Variants in CAMTA1 observed in about 807,000 individuals in gnomAD.
CAMTA1 encodes the protein calmodulin binding transcription activator 1.
A neutral mutation model predicts 170.9 loss-of-function variants in CAMTA1; 27 were observed. That is an observed-to-expected ratio of 0.16 (90% CI 0.12 to 0.22). CAMTA1 has a LOEUF of 0.22. Ranked by LOEUF, CAMTA1 falls within the 10% of genes least tolerant of loss-of-function variation. CAMTA1 has a pLI of 1.00. For synonymous variants in CAMTA1, 833 were observed against 891.5 expected (o/e 0.93, Z 1.17); for missense variants, 1,619 against 2,217.2 (o/e 0.73, Z 5.42).
At chr1:7,282,844 C>G (rs1454131540) in intron 5 of CAMTA1, among the ~76,000 whole-genome samples, 2 of 152,112 alleles carry the variant, frequency 1.3e-5, no homozygotes, top group African/African-American at 4.8e-5. Context: ...AGTTTTCAAA[C>G]AGGAAAGCTG....
intron 5 of CAMTA1, among the ~76,000 whole-genome samples, chr1:7,438,846 C>G (rs953306510): frequency 2.0e-5 from 3 of 152,202 alleles, no homozygotes; most frequent in African/African-American, 7.2e-5. Flanking sequence ...AAAGTCCTGG[C>G]CACTCTCAGC....
intron 22 of CAMTA1, among the ~76,000 whole-genome samples, chr1:7,766,026 CAAAAAAAAAAA>C (rs59692886): frequency 4.2e-5 from 3 of 71,410 alleles, no homozygotes; most frequent in African/African-American, 2.1e-4. Flanking sequence ...GATTCTGTCT[CAAAAAAAAAAA>C]AAAAAAAACT....
intron 3 of CAMTA1, among the ~76,000 whole-genome samples, chr1:7,061,065 C>G (rs1708128056): frequency 6.6e-6 from 1 of 152,194 alleles, no homozygotes; most frequent in Non-Finnish European, 1.5e-5. Flanking sequence ...ATCTGACAGA[C>G]TCACCATCTG....
rs111162189 is a variant in CAMTA1 at position 7,493,169 on chromosome 1, G to A, written c.510+25268G>A. On this transcript the variant is annotated intron_variant, in intron 6 of 22. Transcript: ENST00000303635. The stretch of plus-strand genomic sequence containing the variant: ...GCACACAACACAAACCTACATACAC[G>A]CGCACACAAATACAAACACGCACAC... Among the ~76,000 whole-genome samples the A allele has an allele frequency of 9.6e-4, 63 of 65,710 alleles. 1 individual carries two copies. Among genetic ancestry groups the A allele is most frequent in the East Asian group, 1.9e-3 (3 of 1,598 alleles). The allele number at this position is 65,710 out of a possible 152,430, so 43.1% of individuals were successfully genotyped here.
chr1:7,702,007 C>T (rs1413206199), intron 11 of CAMTA1, among the ~76,000 whole-genome samples: 1 of 152,196 alleles, frequency 6.6e-6, no homozygotes, highest in African/African-American at 2.4e-5. Flanking sequence ...CCCACCCTAG[C>T]TCTGCCTGAC....
chr1:7,310,642 TTC>T lies in CAMTA1; in HGVS notation c.438+61018_438+61019del, dbSNP rs1491195763. 3.3e-3 allele frequency among the ~76,000 whole-genome samples: 93 copies of T among 28,586 alleles called. 3 individuals carry two copies. The highest frequency in any genetic ancestry group is 0.013 in the African/African-American group (87 of 6,864). 18.8% of individuals were successfully genotyped at this position (28,586 alleles called of 152,430 possible). Reference sequence around the variant, plus strand: ...TTTCTTTCTTTCTTTCTTTCTTTCTTTCTTTTTTCTTTCTTTCTTTCTTTCTT... The same window carrying T: ...TTTCTTTCTTTCTTTCTTTCTTTCTTTTTTTTCTTTCTTTCTTTCTTTCTT... On this transcript the variant is annotated intron_variant, in intron 5 of 22. Transcript: ENST00000303635.
intron 6 of CAMTA1, among the ~76,000 whole-genome samples, chr1:7,583,013 C>G (rs1234118821): frequency 6.6e-6 from 1 of 152,060 alleles, no homozygotes; most frequent in Non-Finnish European, 1.5e-5. Context: ...TCTCCTTGGC[C>G]TGGAGTGCAC....
intron 3 of CAMTA1, among the ~76,000 whole-genome samples, chr1:6,947,377 ATT>A (rs879542711): frequency 6.9e-6 from 1 of 144,802 alleles, no homozygotes; most frequent in Non-Finnish European, 1.5e-5. Flanking sequence ...ATTGTCTTTA[ATT>A]TTTTTTTTTT....
intron 5 of CAMTA1, among the ~76,000 whole-genome samples, chr1:7,457,919 A>T (rs530293855): frequency 6.6e-6 from 1 of 152,148 alleles, no homozygotes; most frequent in South Asian, 2.1e-4. Context: ...CGACCCAGAT[A>T]CCCAGGGGAG....
intron 2 of CAMTA1, among the ~76,000 whole-genome samples, chr1:6,821,901 C>T (rs1381794797): frequency 6.6e-6 from 1 of 152,016 alleles, no homozygotes; most frequent in East Asian, 1.9e-4. Context: ...TATACTACAC[C>T]TTGTAGGTTG....
At chr1:7,708,571 T>C (rs1438295323) in intron 11 of CAMTA1, among the ~76,000 whole-genome samples, 3 of 152,230 alleles carry the variant, frequency 2.0e-5, no homozygotes, top group African/African-American at 7.2e-5. Flanking sequence ...GTAAAGTTCC[T>C]TTGATAGACT....
chr1:7,595,208 G>A (rs933173644), intron 6 of CAMTA1, among the ~76,000 whole-genome samples: 1 of 152,182 alleles, frequency 6.6e-6, no homozygotes. Flanking sequence ...TGATCCAAAA[G>A]AGCGCCTGTG....
chr1:7,022,368 G>A (rs536439578), intron 3 of CAMTA1, among the ~76,000 whole-genome samples: 5 of 152,224 alleles, frequency 3.3e-5, no homozygotes, highest in East Asian at 1.9e-4. Context: ...TGACTCTGCC[G>A]TGGGTATTGG....
intron 3 of CAMTA1, among the ~76,000 whole-genome samples, chr1:7,053,698 G>T (rs1706833111): frequency 6.6e-6 from 1 of 152,146 alleles, no homozygotes; most frequent in African/African-American, 2.4e-5. Flanking sequence ...TGCCCTTGCT[G>T]GTCTTGCCTG....
At position 7,493,492 on chromosome 1, in the gene CAMTA1, CAT is replaced by C. The variant is rs1472447277; in HGVS notation, c.510+25593_510+25594del. Reference sequence around the variant, plus strand: ...AAACATATAAACAGGCGTGCACACACATAACCATACAAACACACACACGCGCA... The same window carrying C: ...AAACATATAAACAGGCGTGCACACACAACCATACAAACACACACACGCGCA... On this transcript the variant is annotated intron_variant, in intron 6 of 22. Transcript: ENST00000303635. 1.2e-4 allele frequency among the ~76,000 whole-genome samples: 18 copies of C among 152,226 alleles called. 1 individual carries two copies. The highest frequency in any genetic ancestry group is 1.2e-3 in the East Asian group (6 of 5,164).
intron 11 of CAMTA1, among the ~76,000 whole-genome samples, chr1:7,723,794 G>C (rs916596190): frequency 6.6e-6 from 1 of 152,172 alleles, no homozygotes; most frequent in African/African-American, 2.4e-5. Context: ...CAAAATACCT[G>C]ACCAGTATTC....
intron 4 of CAMTA1, among the ~76,000 whole-genome samples, chr1:7,130,680 C>T (rs536803447): frequency 3.9e-5 from 6 of 152,136 alleles, no homozygotes; most frequent in East Asian, 1.9e-4. Flanking sequence ...TATGTGTGGA[C>T]GCATCTCTAA....
chr1:7,428,107 G>A (rs913573301), intron 5 of CAMTA1, among the ~76,000 whole-genome samples: 4 of 152,098 alleles, frequency 2.6e-5, no homozygotes, highest in Admixed American at 1.3e-4. Flanking sequence ...TGGCCAGCAC[G>A]CAGAAGTGCT....
intron 7 of CAMTA1, among the ~76,000 whole-genome samples, chr1:7,656,997 C>T (rs2149099408): frequency 6.6e-6 from 1 of 152,356 alleles, no homozygotes. Context: ...TCACACAGGC[C>T]GCGCTGCAGG....
Sources: gnomAD v4.1 joint callset for allele counts (sites outside exome capture counted in the v4.1 genomes callset) on GRCh38, gnomAD v4.1.1 for gene constraint, MANE v1.5 for transcripts, NCBI Gene and HGNC (gene_info 2026-07-23, HGNC 2026-07-21) for gene names.